Variants in DLG2 observed in about 807,000 individuals in gnomAD.
The protein encoded by DLG2 is disks large homolog 2.
In DLG2, 45 loss-of-function variants were observed where a neutral mutation model predicts 132.5. The observed-to-expected ratio is 0.34, with a 90% CI of 0.27 to 0.44. The LOEUF (loss-of-function observed/expected upper bound fraction) is 0.44, where lower values mean the gene tolerates loss of function less well. Among genes scored for constraint, DLG2 ranks in the 20% least tolerant of loss-of-function variants. The probability of loss-of-function intolerance (pLI) is 1.00; values close to 1 mark genes in which losing one functional copy is unlikely to be tolerated. For synonymous variants in DLG2, 424 were observed against 419.6 expected, an observed-to-expected ratio of 1.01 and a Z score of -0.13; for missense variants, 1,045 against 1,196.9, an observed-to-expected ratio of 0.87 and a Z score of 1.87.
At chr11:84,602,153 C>A (rs1034997323) in intron 6 of DLG2, among the ~76,000 whole-genome samples, 1 of 151,914 alleles carries the variant, frequency 6.6e-6, no homozygotes, top group Admixed American at 6.6e-5. Flanking sequence ...ATAGAGGTGG[C>A]TAGCTGCTTA....
intron 6 of DLG2, among the ~76,000 whole-genome samples, chr11:84,925,586 T>C (rs1314991977): frequency 1.3e-5 from 2 of 152,134 alleles, no homozygotes; most frequent in African/African-American, 4.8e-5. Context: ...ATATTCCATA[T>C]TTTAAGGCAA....
At chr11:85,521,938 GA>G (rs57881988) in intron 3 of DLG2, among the ~76,000 whole-genome samples, 13 of 149,860 alleles carry the variant, frequency 8.7e-5, no homozygotes, top group South Asian at 2.1e-4. Context: ...CAACGTGACA[GA>G]AAAAAAAAAT....
At chr11:83,814,293 C>T (rs1318502761) in intron 17 of DLG2, among the ~76,000 whole-genome samples, 2 of 152,214 alleles carry the variant, frequency 1.3e-5, no homozygotes, top group South Asian at 2.1e-4. Flanking sequence ...CATCTGGATG[C>T]TAATAATAAA....
chr11:84,575,203 C>T (rs1172956085), intron 6 of DLG2, among the ~76,000 whole-genome samples: 3 of 152,106 alleles, frequency 2.0e-5, no homozygotes. Context: ...ATCTGAGCTC[C>T]TAAGCAGTCC....
chr11:84,873,077 T>G (rs910093494), intron 6 of DLG2, among the ~76,000 whole-genome samples: 1 of 152,200 alleles, frequency 6.6e-6, no homozygotes, highest in African/African-American at 2.4e-5. Flanking sequence ...CTTTGACTAT[T>G]CCCTTACATG....
intron 7 of DLG2, among the ~76,000 whole-genome samples, chr11:84,533,334 AT>A (rs945868283): frequency 1.1e-4 from 17 of 152,168 alleles, no homozygotes; most frequent in African/African-American, 3.9e-4. Flanking sequence ...CCAATTCTTA[AT>A]CTTTTCTTCT....
chr11:85,018,791 T>C (rs1411298636), intron 6 of DLG2, among the ~76,000 whole-genome samples: 1 of 91,498 alleles, frequency 1.1e-5, no homozygotes, highest in Admixed American at 1.1e-4. Context: ...ACATGCCTTC[T>C]TTTTTTTTTT....
At chr11:84,273,242 C>T (rs761927699) in intron 7 of DLG2, 8 of 1,495,534 alleles carry the variant, frequency 5.3e-6, no homozygotes, top group Non-Finnish European at 6.3e-6. Flanking sequence ...CCGAGAAACA[C>T]TTGGCCGTTG....
rs188952387 is a variant in DLG2 at position 85,140,579 on chromosome 11, G to C, written c.282+13977C>G. Among the ~76,000 whole-genome samples, 8 of 150,008 alleles carry C rather than the reference G, an allele frequency of 5.3e-5. No homozygotes were observed. The East Asian group carries it at 1.6e-3, about 29-fold the overall frequency. ...GGAACTTATTTTTTTTTTTGTATTAGACACATTCCAATTCCAGTCTTAGTT... is the reference window on the plus strand; with the variant it reads ...GGAACTTATTTTTTTTTTTGTATTACACACATTCCAATTCCAGTCTTAGTT... On this transcript the variant is annotated intron_variant, in intron 5 of 27. Coordinates refer to ENST00000376104, the MANE Select transcript of DLG2 (RefSeq NM_001142699.3).
chr11:85,159,468 G>T (rs1388876793), intron 4 of DLG2, among the ~76,000 whole-genome samples: 1 of 152,178 alleles, frequency 6.6e-6, no homozygotes, highest in Admixed American at 6.5e-5. Context: ...ATCCCTGGAG[G>T]GATTGTGGAG....
rs1367196854 is a variant in DLG2, at chr11:85,347,294, T to C, written c.41-61929A>G. Among the ~76,000 whole-genome samples, 4 of 152,046 alleles carry C rather than the reference T, an allele frequency of 2.6e-5. 1 individual carries two copies. Among genetic ancestry groups the C allele is most frequent in the Non-Finnish European group, 5.9e-5 (4 of 68,022 alleles). On this transcript the variant is annotated intron_variant, in intron 3 of 27. Coordinates refer to ENST00000376104, the MANE Select transcript of DLG2 (RefSeq NM_001142699.3). ...CTGAAGCACAGGGAGGGGCTCTCTC[T>C]GGAATTTTCTAATCTGGCCAAGAAA... is the stretch of plus-strand genomic sequence containing the variant.
intron 6 of DLG2, among the ~76,000 whole-genome samples, chr11:84,678,397 C>T (rs951038889): frequency 4.6e-5 from 7 of 152,036 alleles, no homozygotes; most frequent in Non-Finnish European, 8.8e-5. Flanking sequence ...AGACAACATA[C>T]GGATCTCATT....
rs142615018 is a variant in DLG2 at position 84,759,182 on chromosome 11, C to T, written c.358-224451G>A. Among the ~76,000 whole-genome samples the T allele has an allele frequency of 7.2e-3, 1,099 of 152,196 alleles. 4 individuals are homozygous for T. The highest frequency in any genetic ancestry group is 0.011 in the Non-Finnish European group (752 of 68,004). On this transcript the variant is annotated intron_variant, in intron 6 of 27. Transcript: ENST00000376104. The stretch of plus-strand genomic sequence containing the variant: ...CTTGAGACACTGCACTCAGCCCTAA[C>T]TTATTAATTCTAAAGTAAGTAACCA...
chr11:85,542,799 G>A (rs2076057143), intron 3 of DLG2, among the ~76,000 whole-genome samples: 1 of 152,158 alleles, frequency 6.6e-6, no homozygotes, highest in Admixed American at 6.5e-5. Flanking sequence ...GTAAAAGTCA[G>A]TCCTAGCCCA....
chr11:84,837,451 C>G (rs2079972513), intron 6 of DLG2, among the ~76,000 whole-genome samples: 1 of 151,706 alleles, frequency 6.6e-6, no homozygotes, highest in Admixed American at 6.6e-5. Context: ...AATAAGAATA[C>G]CTGGCAACCC....
In DLG2 at chr11:84,066,051, T is replaced by C. The variant is rs190914348; in HGVS notation, c.750-6567A>G. Among the ~76,000 whole-genome samples the C allele has an allele frequency of 2.6e-5, 4 of 152,146 alleles. No homozygotes were observed. The East Asian group carries it at 7.7e-4, about 29-fold the overall frequency. ...ATGGACACAAAGAGGGGAACAACAT[T>C]TACTGGGTCCTACTTGAGAGTGGAA... On this transcript the variant is annotated intron_variant, in intron 10 of 27. Transcript: ENST00000376104.
intron 12 of DLG2, among the ~76,000 whole-genome samples, chr11:83,973,594 T>C (rs2091726886): frequency 6.6e-6 from 1 of 152,042 alleles, no homozygotes; most frequent in Non-Finnish European, 1.5e-5. Context: ...ACCACCAAAG[T>C]TGTCCTTAGG....
chr11:84,163,510 A>T lies in DLG2; in HGVS notation c.575T>A (p.Val192Asp). 2 of 1,603,720 alleles carry T rather than the reference A, an allele frequency of 1.2e-6. No individual in the cohort carries two copies. The highest frequency in any genetic ancestry group is 4.5e-5 in the East Asian group (2 of 44,268). ...TTCATATTCAATTTCTGTCCCATTG[A>T]CCTGTAAATAGGGAAAAAATAAGAA... ...NTDTLDTIPY[V>D]NGTEIEYEFE... Residue 192 changes from valine to aspartate, a missense_variant and splice_region_variant, in exon 9 of 28, where the codon GTC (valine) becomes GAC (aspartate). This residue lies in a region of DLG2 where 277 missense variants were observed against 238.2 expected (regional missense o/e 1.16). Transcript: ENST00000376104.
intron 15 of DLG2, among the ~76,000 whole-genome samples, chr11:83,920,012 A>G (rs1241179626): frequency 1.3e-5 from 2 of 152,184 alleles, no homozygotes; most frequent in African/African-American, 2.4e-5. Context: ...GGGATGAGTT[A>G]GGGCTGAAAT....
Sources: allele counts gnomAD v4.1 joint callset (sites outside exome capture counted in the v4.1 genomes callset), GRCh38; gene constraint gnomAD v4.1.1; regional missense constraint gnomAD v4.1.1; transcripts MANE v1.5; gene names NCBI Gene and HGNC (gene_info 2026-07-23, HGNC 2026-07-21).